The following RNF213 variants were observed in gnomAD, a reference collection of about 807,000 sequenced individuals.
RNF213 encodes ring finger protein 213.
A neutral mutation model predicts 514.4 loss-of-function variants in RNF213; 341 were observed. The ratio of observed to expected loss-of-function variants is 0.66; its 90% CI spans 0.61 to 0.73. The LOEUF is 0.73. Among genes scored for constraint, RNF213 ranks in the 30% least tolerant of loss-of-function variants. RNF213 has a pLI of 0.00. For synonymous variants in RNF213, 2,655 were observed against 2,658.2 expected (o/e 1.00, Z 0.04); for missense variants, 5,767 against 6,615.6 (o/e 0.87, Z 4.45).
chr17:80,386,754 C>T lies in RNF213; in HGVS notation c.14785C>T (p.Leu4929=). 1 of 1,614,228 alleles carries T rather than the reference C, an allele frequency of 6.2e-7. No individual in the cohort carries two copies. Among genetic ancestry groups the T allele is most frequent in the Non-Finnish European group, 8.5e-7 (1 of 1,180,038 alleles). ...HVISYEVERD[L]TPLILSNCQY... ...CATCAGTTATGAAGTGGAGCGGGAC[C>T]TGACTCCACTGATTCTCTCCAACTG... The change falls in exon 63 of 68, where the codon CTG becomes TTG. Residue 4929 remains leucine, a synonymous_variant. Coordinates refer to ENST00000582970, the MANE Select transcript of RNF213 (RefSeq NM_001256071.3).
Position 80,367,853 on chromosome 17 carries a change from G to C in RNF213, c.11972+5G>C. On this transcript the variant is annotated splice_donor_5th_base_variant and intron_variant, in intron 43 of 67. Coordinates refer to ENST00000582970, the MANE Select transcript of RNF213 (RefSeq NM_001256071.3). ...AGCCAGCAAGACCCTCAGCAGGTGA[G>C]ACCTTAGGTTTGGATCTGTGAAGGC... is the stretch of plus-strand genomic sequence containing the variant. 1.2e-6 allele frequency: 2 copies of C among 1,614,210 alleles called. No homozygotes were observed. The highest frequency in any genetic ancestry group is 1.7e-6 in the Non-Finnish European group (2 of 1,179,998).
In RNF213 at chr17:80,270,833, T is replaced by C. The variant is rs531811961; in HGVS notation, c.98-2408T>C. 1.7e-3 allele frequency among the ~76,000 whole-genome samples: 263 copies of C among 152,308 alleles called. 1 individual carries two copies. Among genetic ancestry groups the C allele is most frequent in the African/African-American group, 6.1e-3 (255 of 41,574 alleles). ...CCAGGCTTGAGGGGTTCAAGTGTAC[T>C]AGGGCTTTGCTCCATTTCTCTGATC... On this transcript the variant is annotated intron_variant, in intron 2 of 67. Transcript: ENST00000582970.
chr17:80,328,020 T>G, intron 19 of RNF213, 31 bp downstream of exon 19: 1 of 1,535,016 alleles, frequency 6.5e-7, no homozygotes, highest in Non-Finnish European at 8.7e-7. Flanking sequence ...CACTTCAGGC[T>G]CCTGAGGCAT....
rs7503198 is a variant in RNF213, at chr17:80,365,210, G to A, written c.11871+657G>A. On this transcript the variant is annotated intron_variant, in intron 42 of 67. Transcript: ENST00000582970. ...CGTGAGCACATCCAGAGCCCTCACC[G>A]CCAGGGGGTCTGGAAGAGGCAGCGC... 1,440 of 154,668 alleles carry A rather than the reference G, an allele frequency of 9.3e-3. 56 individuals carry two copies. The East Asian group carries it at 0.13, about 13-fold the overall frequency. The allele number at this position is 154,668 out of a possible 1,614,324, so 9.6% of individuals were successfully genotyped here. A position where few individuals can be genotyped will look rare whatever the true frequency, so the allele number is the denominator to read the frequency against.
At chr17:80,290,064 T>C (rs958279204) in intron 6 of RNF213, among the ~76,000 whole-genome samples, 3 of 152,216 alleles carry the variant, frequency 2.0e-5, no homozygotes, top group Non-Finnish European at 4.4e-5. Flanking sequence ...AGCGTGGGCC[T>C]TTGGGAACTC....
At chr17:80,277,192 G>A (rs915781994) in intron 3 of RNF213, among the ~76,000 whole-genome samples, 12 of 152,166 alleles carry the variant, frequency 7.9e-5, no homozygotes, top group Admixed American at 5.9e-4. Context: ...CCTTTGATAT[G>A]AAATATCCAC....
At chr17:80,387,624 G>A (rs62077770) in intron 63 of RNF213, among the ~76,000 whole-genome samples, 5 of 152,150 alleles carry the variant, frequency 3.3e-5, no homozygotes, top group Non-Finnish European at 2.9e-5. Context: ...TTCAGTCCAC[G>A]GCCTAAAACC....
At chr17:80,340,412 T>C in intron 26 of RNF213, 56 bp downstream of exon 26, 1 of 1,471,800 alleles carries the variant, frequency 6.8e-7, no homozygotes, top group Non-Finnish European at 9.3e-7. Flanking sequence ...CCCGGGGCCC[T>C]TCCCCCCTCC....
At chr17:80,281,672 C>T (rs1378290632) in intron 3 of RNF213, among the ~76,000 whole-genome samples, 2 of 97,036 alleles carry the variant, frequency 2.1e-5, no homozygotes, top group African/African-American at 6.8e-5. Context: ...CACACCCCAA[C>T]ATACGCAAGT....
In RNF213 at chr17:80,349,940, C is replaced by T. The variant is rs776418150; in HGVS notation, c.10088+34C>T. The T allele has an allele frequency of 6.8e-6, 11 of 1,611,988 alleles. No homozygotes were observed. In the East Asian group the frequency reaches 1.6e-4, roughly 23 times the overall value. ...CCCTGCCTTCCCTGCTGCCCTCTCC[C>T]TCCCCAGCCGCAGCCGTGTGGCTTC... is the stretch of plus-strand genomic sequence containing the variant. On this transcript the variant is annotated intron_variant, in intron 30 of 67. Coordinates refer to ENST00000582970, the MANE Select transcript of RNF213 (RefSeq NM_001256071.3).
In RNF213 at chr17:80,371,910, G is replaced by A; in HGVS notation, c.12462G>A (p.Leu4154=). 6.4e-7 allele frequency: 1 copy of A among 1,571,514 alleles called. No individual in the cohort carries two copies. The highest frequency in any genetic ancestry group is 8.8e-7 in the Non-Finnish European group (1 of 1,141,198). ...TAAAAGATTATATTCAGGAATATTT[G>A]ACCCTGTTAAAAAAGAAAGCATTCA... is the stretch of plus-strand genomic sequence containing the variant. ...HDVKDYIQEY[L]TLLKKKAFIT... Residue 4154 remains leucine, a synonymous_variant, in exon 47 of 68, where the codon TTG becomes TTA. Transcript: ENST00000582970.
chr17:80,336,302 A>G lies in RNF213; in HGVS notation c.4451A>G (p.Asp1484Gly). The change falls in exon 23 of 68, where the codon GAC (aspartate) becomes GGC (glycine). Residue 1484 changes from aspartate to glycine, a missense_variant. This residue lies in a region of RNF213 where 1,377 missense variants were observed against 1,635.2 expected (regional missense o/e 0.84). Transcript: ENST00000582970. ...SLLFKLDPSV[D>G]FSAFMKHLKK... ...CTATTTAAGCTGGACCCCAGCGTGG[A>G]CTTCAGTGCATTCATGAAGCATCTG... 6.5e-7 allele frequency: 1 copy of G among 1,537,226 alleles called. No homozygotes were observed. The highest frequency in any genetic ancestry group is 8.7e-7 in the Non-Finnish European group (1 of 1,146,922).
In RNF213 at chr17:80,305,700, C is replaced by T. The variant is rs148418226; in HGVS notation, c.2211-552C>T. ...GATCTCGGCTCACTGCAATCTCTGC[C>T]GCCGGGGCTCAAGTGATTCTTCTGC... is the stretch of plus-strand genomic sequence containing the variant. On this transcript the variant is annotated intron_variant, in intron 11 of 67. Transcript: ENST00000582970. Among the ~76,000 whole-genome samples the T allele has an allele frequency of 3.2e-3, 481 of 151,998 alleles. 1 individual carries two copies. The highest frequency in any genetic ancestry group is 0.011 in the African/African-American group (451 of 41,452).
rs2080709843 is a variant in RNF213 at position 80,398,781 on chromosome 17, A to G, written c.*5283A>G. 6.6e-6 allele frequency: 1 copy of G among 152,112 alleles called. No individual in the cohort carries two copies. The highest frequency in any genetic ancestry group is 2.4e-5 in the African/African-American group (1 of 41,416). 9.4% of individuals were successfully genotyped at this position (152,112 alleles called of 1,614,324 possible). Reference sequence around the variant, plus strand: ...AGAAAGAGACAGAAAATCAAGAGGAAAAAAAGAAAAAAAGAGATATATATA... The same window carrying G: ...AGAAAGAGACAGAAAATCAAGAGGAGAAAAAGAAAAAAAGAGATATATATA... On this transcript the variant is annotated 3_prime_UTR_variant, in exon 68 of 68. Transcript: ENST00000582970.
At chr17:80,273,782 G>A (rs1043947985) in intron 3 of RNF213, among the ~76,000 whole-genome samples, 2 of 151,952 alleles carry the variant, frequency 1.3e-5, no homozygotes, top group East Asian at 1.9e-4. Flanking sequence ...ACCACGACCA[G>A]CTAATTTTTT....
chr17:80,319,468 C>T (rs764813257), intron 17 of RNF213, 156 bp downstream of exon 17: 13 of 1,614,030 alleles, frequency 8.1e-6, no homozygotes, highest in African/African-American at 5.3e-5. Context: ...AGGGCAATGG[C>T]GCTGAAATCT....
At chr17:80,308,630 G>A (rs1166868982) in intron 13 of RNF213, among the ~76,000 whole-genome samples, 3 of 151,974 alleles carry the variant, frequency 2.0e-5, no homozygotes, top group South Asian at 2.1e-4. Context: ...AATTCCACAC[G>A]GGCTGCACGC....
chr17:80,344,061 T>A, intron 28 of RNF213, 46 bp downstream of exon 28: 1 of 1,596,966 alleles, frequency 6.3e-7, no homozygotes, highest in Non-Finnish European at 8.5e-7. Flanking sequence ...GGCTCTTGGG[T>A]TCTTTCTGGT....
At chr17:80,349,374 C>G (rs942228014) in intron 29 of RNF213, among the ~76,000 whole-genome samples, 1 of 152,092 alleles carries the variant, frequency 6.6e-6, no homozygotes, top group Non-Finnish European at 1.5e-5. Flanking sequence ...AGGAGAATTG[C>G]TGACATCTGG....
Sources: allele counts gnomAD v4.1 joint callset (sites outside exome capture counted in the v4.1 genomes callset), GRCh38; gene constraint gnomAD v4.1.1; regional missense constraint gnomAD v4.1.1; transcripts MANE v1.5; gene names NCBI Gene and HGNC (gene_info 2026-07-23, HGNC 2026-07-21).